CENPC: variants seen among roughly 807,000 people sequenced by gnomAD.
The protein encoded by CENPC is CENP-C 1.
Under a neutral mutation model 112.1 loss-of-function variants are expected in CENPC, and 63 were observed. That is an observed-to-expected ratio of 0.56 (90% CI 0.46 to 0.69). CENPC has a LOEUF of 0.69. CENPC is among the 30% of genes least tolerant of loss of function. The probability of loss-of-function intolerance (pLI) is 0.00; values close to 1 mark genes in which losing one functional copy is unlikely to be tolerated. For missense variants in CENPC, 1,000 were observed against 1,103.8 expected, an observed-to-expected ratio of 0.91 and a Z score of 1.33; for synonymous variants, 333 against 367.6, an observed-to-expected ratio of 0.91 and a Z score of 1.08.
In CENPC at chr4:67,470,313, G is replaced by T. The variant is rs1206146927; in HGVS notation, c.*2292C>A. On this transcript the variant is annotated 3_prime_UTR_variant, in exon 19 of 19. Coordinates refer to ENST00000273853, the MANE Select transcript of CENPC (RefSeq NM_001812.4). ...AAGCTGGGCACAGTGGCTCACACCTGTAATCCCAACACTTTGGGAGGCTGA... is the reference window on the plus strand; with the variant it reads ...AAGCTGGGCACAGTGGCTCACACCTTTAATCCCAACACTTTGGGAGGCTGA... 6.6e-6 allele frequency: 1 copy of T among 152,380 alleles called. No individual in the cohort carries two copies. The highest frequency in any genetic ancestry group is 1.5e-5 in the Non-Finnish European group (1 of 68,230). The allele number at this position is 152,380 out of a possible 1,614,324, so 9.4% of individuals were successfully genotyped here. A position where few individuals can be genotyped will look rare whatever the true frequency, so the allele number is the denominator to read the frequency against.
Position 67,517,225 on chromosome 4 carries a change from C to T in CENPC, c.830+931G>A, listed in dbSNP as rs371895863. Among the ~76,000 whole-genome samples, 98 of 151,684 alleles carry T rather than the reference C, an allele frequency of 6.5e-4. 2 individuals are homozygous for T. The highest frequency in any genetic ancestry group is 1.5e-3 in the African/African-American group (63 of 41,180). ...CACCTAGGCTAGAGTGCAGTGGCAC[C>T]GTCTCGACTCACTGCAACCTCCACC... On this transcript the variant is annotated intron_variant, in intron 7 of 18. Transcript: ENST00000273853.
intron 12 of CENPC, among the ~76,000 whole-genome samples, chr4:67,502,817 G>A (rs1008906905): frequency 2.6e-5 from 4 of 151,952 alleles, no homozygotes; most frequent in Admixed American, 1.3e-4. Context: ...TCTCTCTAAC[G>A]CCTCTCTTTT....
At chr4:67,507,526 G>A (rs542489751) in intron 10 of CENPC, among the ~76,000 whole-genome samples, 4 of 152,126 alleles carry the variant, frequency 2.6e-5, no homozygotes, top group African/African-American at 9.6e-5. Flanking sequence ...TAGATGAAAT[G>A]GACAAACTCC....
chr4:67,486,937 G>C (rs896968312), intron 17 of CENPC, among the ~76,000 whole-genome samples: 1 of 145,752 alleles, frequency 6.9e-6, no homozygotes, highest in African/African-American at 2.5e-5. Context: ...CTAGAGACTT[G>C]ATCAGATTCA....
chr4:67,490,842 A>ATG (rs1197663676), intron 16 of CENPC, among the ~76,000 whole-genome samples: 8 of 9,340 alleles, frequency 8.6e-4, no homozygotes, highest in Non-Finnish European at 2.3e-3. Flanking sequence ...AAATAAATAT[A>ATG]TATATATATA....
Position 67,527,276 on chromosome 4 carries a change from C to T in CENPC, c.331+3539G>A, listed in dbSNP as rs764970976. Among the ~76,000 whole-genome samples, 27 of 152,158 alleles carry T rather than the reference C, an allele frequency of 1.8e-4. 1 individual carries two copies. Among genetic ancestry groups the T allele is most frequent in the East Asian group, 1.5e-3 (8 of 5,178 alleles). On this transcript the variant is annotated intron_variant, in intron 5 of 18. Transcript: ENST00000273853. ...CAATATGTATAAGCCACCATATCAA[C>T]AGTTCAGAGAAGAAAAATCATATGA...
At position 67,471,619 on chromosome 4, in the gene CENPC, A is replaced by G. The variant is rs1724662288; in HGVS notation, c.*986T>C. 6.6e-6 allele frequency: 1 copy of G among 152,220 alleles called. No homozygotes were observed. The highest frequency in any genetic ancestry group is 1.5e-5 in the Non-Finnish European group (1 of 68,038). 9.4% of individuals were successfully genotyped at this position (152,220 alleles called of 1,614,324 possible). The stretch of plus-strand genomic sequence containing the variant: ...TATAAAAAAAGAGCCATCACACTTC[A>G]TTCTTCCTAAGTCCTACACCAGAGT... On this transcript the variant is annotated 3_prime_UTR_variant, in exon 19 of 19. Coordinates refer to ENST00000273853, the MANE Select transcript of CENPC (RefSeq NM_001812.4).
Position 67,519,506 on chromosome 4 carries a change from G to A in CENPC, c.332-4C>T, listed in dbSNP as rs763261320. 5 of 1,473,176 alleles carry A rather than the reference G, an allele frequency of 3.4e-6. No individual in the cohort carries two copies. The East Asian group carries it at 9.6e-5, about 28-fold the overall frequency. The allele number at this position is 1,473,176 out of a possible 1,614,324, so 91.3% of individuals were successfully genotyped here. A position where few individuals can be genotyped will look rare whatever the true frequency, so the allele number is the denominator to read the frequency against. On this transcript the variant is annotated splice_polypyrimidine_tract_variant and splice_region_variant and intron_variant, in intron 5 of 18. Transcript: ENST00000273853. ...TGATGAACTTCATGGGCCTGAACTA[G>A]AAGAAAATTATATAAAGATATTTGT...
intron 12 of CENPC, chr4:67,504,924 C>T (rs763417658): frequency 2.9e-6 from 1 of 348,010 alleles, no homozygotes; most frequent in Non-Finnish European, 5.1e-6. Flanking sequence ...CAACAGATCA[C>T]TAATCTGCTT....
At chr4:67,500,354 A>ATG (rs1185713564) in intron 12 of CENPC, among the ~76,000 whole-genome samples, 5 of 152,082 alleles carry the variant, frequency 3.3e-5, no homozygotes, top group South Asian at 2.1e-4. Context: ...ACATATGTGT[A>ATG]TGTGTGTGTG....
At position 67,472,493 on chromosome 4, in the gene CENPC, A is replaced by C; in HGVS notation, c.*112T>G. 8.1e-7 allele frequency: 1 copy of C among 1,238,262 alleles called. No individual in the cohort carries two copies. The highest frequency in any genetic ancestry group is 1.0e-6 in the Non-Finnish European group (1 of 971,034). 76.7% of individuals were successfully genotyped at this position (1,238,262 alleles called of 1,614,324 possible). A position where few individuals can be genotyped will look rare whatever the true frequency, so the allele number is the denominator to read the frequency against. ...ATACAAGTCTACAGAAAACTGAATAAAATTTTTATTTTAAAACATCACAAG... is the reference window on the plus strand; with the variant it reads ...ATACAAGTCTACAGAAAACTGAATACAATTTTTATTTTAAAACATCACAAG... On this transcript the variant is annotated 3_prime_UTR_variant, in exon 19 of 19. Transcript: ENST00000273853.
chr4:67,472,734 T>A (rs1230272404), intron 18 of CENPC, 59 bp from the exon 19 acceptor site: 6 of 1,412,702 alleles, frequency 4.2e-6, no homozygotes, highest in Non-Finnish European at 5.6e-6. Flanking sequence ...TCTTTTTGAT[T>A]AAGTATGTAG....
chr4:67,508,171 C>T (rs888189193), intron 10 of CENPC, among the ~76,000 whole-genome samples: 1 of 152,236 alleles, frequency 6.6e-6, no homozygotes, highest in South Asian at 2.1e-4. Context: ...ATTAATCTCA[C>T]TTAAAAGGAA....
chr4:67,545,472 A>C lies in CENPC; in HGVS notation c.-117T>G. 2.8e-6 allele frequency: 3 copies of C among 1,062,792 alleles called. No individual in the cohort carries two copies. The highest frequency in any genetic ancestry group is 3.8e-6 in the Non-Finnish European group (3 of 788,742). The allele number at this position is 1,062,792 out of a possible 1,614,324, so 65.8% of individuals were successfully genotyped here. On this transcript the variant is annotated 5_prime_UTR_variant, in exon 1 of 19. Coordinates refer to ENST00000273853, the MANE Select transcript of CENPC (RefSeq NM_001812.4). ...AATACCAGGCCGCGGCCAAGCAATA[A>C]CCTTAAGTCTCAGGCGACTGCCGCG...
chr4:67,494,043 A>G, intron 13 of CENPC, 55 bp from the exon 14 acceptor site: 1 of 987,712 alleles, frequency 1.0e-6, no homozygotes, highest in Non-Finnish European at 1.5e-6. Context: ...GATGGTACTT[A>G]GCAGTGGAAA....
chr4:67,529,565 A>T (rs1726485434), intron 5 of CENPC, among the ~76,000 whole-genome samples: 1 of 152,136 alleles, frequency 6.6e-6, no homozygotes, highest in African/African-American at 2.4e-5. Context: ...ACCTCAACTG[A>T]TCCACCTGCC....
At chr4:67,491,679 C>A (rs1269171283) in intron 16 of CENPC, among the ~76,000 whole-genome samples, 1 of 151,846 alleles carries the variant, frequency 6.6e-6, no homozygotes, top group Non-Finnish European at 1.5e-5. Flanking sequence ...TAAGGTTAAA[C>A]CTGGCATCTG....
intron 5 of CENPC, among the ~76,000 whole-genome samples, chr4:67,529,124 A>G (rs1251230710): frequency 6.6e-6 from 1 of 152,102 alleles, no homozygotes; most frequent in East Asian, 1.9e-4. Flanking sequence ...TTCTTTGGAG[A>G]AAAGTCTATA....
At position 67,496,436 on chromosome 4, in the gene CENPC, C is replaced by G. The variant is rs138776227; in HGVS notation, c.2132-1224G>C. ...TGGTTGGTTACGCAGCAATATACAACTGGGACACAATGTCCATGAACCACC... is the reference window on the plus strand; with the variant it reads ...TGGTTGGTTACGCAGCAATATACAAGTGGGACACAATGTCCATGAACCACC... On this transcript the variant is annotated intron_variant, in intron 12 of 18. Transcript: ENST00000273853. Among the ~76,000 whole-genome samples, 245 of 152,278 alleles carry G rather than the reference C, an allele frequency of 1.6e-3. 1 individual carries two copies. Among genetic ancestry groups the G allele is most frequent in the African/African-American group, 5.7e-3 (236 of 41,560 alleles).
Sources: gnomAD v4.1 joint callset for allele counts (sites outside exome capture counted in the v4.1 genomes callset) on GRCh38, gnomAD v4.1.1 for gene constraint, MANE v1.5 for transcripts, NCBI Gene and HGNC (gene_info 2026-07-23, HGNC 2026-07-21) for gene names.